The following KAZN variants were observed in gnomAD, a reference collection of about 807,000 sequenced individuals.
KAZN encodes kazrin, periplakin interacting protein, also known as kazrin.
In KAZN, 40 loss-of-function variants were observed where a neutral mutation model predicts 87.4. The observed-to-expected ratio is 0.46, with a 90% CI of 0.36 to 0.60. The LOEUF (loss-of-function observed/expected upper bound fraction) is 0.60, where lower values mean the gene tolerates loss of function less well. Among genes scored for constraint, KAZN ranks in the 20% least tolerant of loss-of-function variants. The pLI, the probability that KAZN is intolerant of heterozygous loss-of-function variation, is 0.00. For missense variants in KAZN, 898 were observed against 1,073.9 expected, an observed-to-expected ratio of 0.84 and a Z score of 2.29; for synonymous variants, 466 against 458.3, an observed-to-expected ratio of 1.02 and a Z score of -0.22.
chr1:14,829,129 A>G (rs1646983318), intron 1 of KAZN, among the ~76,000 whole-genome samples: 1 of 152,126 alleles, frequency 6.6e-6, no homozygotes. Context: ...AGGAAAGGAG[A>G]GCCTGGAAAT....
At chr1:14,581,211 A>G (rs1675525571) in intron 2 of KAZN, among the ~76,000 whole-genome samples, 1 of 152,126 alleles carries the variant, frequency 6.6e-6, no homozygotes, top group South Asian at 2.1e-4. Context: ...CAAAATCAGC[A>G]TACACTCTAT....
intron 1 of KAZN, among the ~76,000 whole-genome samples, chr1:14,069,375 G>A (rs553266337): frequency 4.4e-4 from 67 of 152,186 alleles, no homozygotes; most frequent in Non-Finnish European, 8.7e-4. Context: ...TTATCAAGTC[G>A]GGGAGGAGAG....
chr1:15,067,912 G>A, intron 8 of KAZN: 1 of 892,764 alleles, frequency 1.1e-6, no homozygotes, highest in Non-Finnish European at 1.3e-6. Context: ...AAGAAAATAA[G>A]ATTGCAACCA....
At chr1:14,195,246 A>G (rs909284011) in intron 2 of KAZN, among the ~76,000 whole-genome samples, 3 of 152,052 alleles carry the variant, frequency 2.0e-5, no homozygotes, top group African/African-American at 7.2e-5. Context: ...AGCAATATGG[A>G]CAGGTTTACT....
intron 2 of KAZN, among the ~76,000 whole-genome samples, chr1:14,509,512 C>A (rs531550217): frequency 6.6e-6 from 1 of 152,326 alleles, no homozygotes; most frequent in African/African-American, 2.4e-5. Context: ...AATGTTCTAT[C>A]TGAAATGACA....
chr1:15,067,442 G>A (rs1639295564), intron 8 of KAZN: 7 of 985,474 alleles, frequency 7.1e-6, no homozygotes, highest in Non-Finnish European at 8.4e-6. Context: ...GACGGAGGAT[G>A]TGTGAGCTGT....
intron 1 of KAZN, among the ~76,000 whole-genome samples, chr1:14,857,060 T>C (rs567114179): frequency 2.8e-4 from 43 of 152,204 alleles, no homozygotes; most frequent in African/African-American, 1.0e-3. Context: ...CAACCACGCG[T>C]GAAGGTGGAG....
At chr1:14,459,886 AT>A (rs757025620) in intron 2 of KAZN, among the ~76,000 whole-genome samples, 1 of 152,034 alleles carries the variant, frequency 6.6e-6, no homozygotes, top group Non-Finnish European at 1.5e-5. Flanking sequence ...TTTCTGTGGG[AT>A]TTTTTTTCTC....
intron 4 of KAZN, among the ~76,000 whole-genome samples, chr1:15,055,776 A>G (rs1674885666): frequency 6.6e-6 from 1 of 152,202 alleles, no homozygotes; most frequent in South Asian, 2.1e-4. Flanking sequence ...AGGCCCTGGC[A>G]CAGTTCTTTG....
intron 1 of KAZN, among the ~76,000 whole-genome samples, chr1:14,102,396 C>T (rs1276440433): frequency 6.6e-6 from 1 of 152,202 alleles, no homozygotes; most frequent in Non-Finnish European, 1.5e-5. Context: ...TGGCTTCCTC[C>T]ATCCAATGGC....
At chr1:14,531,030 A>G (rs1571874405) in intron 2 of KAZN, among the ~76,000 whole-genome samples, 1 of 152,190 alleles carries the variant, frequency 6.6e-6, no homozygotes, top group East Asian at 1.9e-4. Flanking sequence ...CTGTGATCGC[A>G]CCACTGCACT....
intron 2 of KAZN, among the ~76,000 whole-genome samples, chr1:14,315,974 A>G (rs1030618619): frequency 2.6e-4 from 39 of 152,116 alleles, no homozygotes; most frequent in African/African-American, 9.1e-4. Context: ...CAAGCTGCCC[A>G]ACTTCTGCCC....
intron 1 of KAZN, among the ~76,000 whole-genome samples, chr1:14,675,466 A>C (rs1640164321): frequency 6.6e-6 from 1 of 152,114 alleles, no homozygotes; most frequent in South Asian, 2.1e-4. Context: ...TCTACTTGGA[A>C]GATTCTCCTG....
intron 1 of KAZN, among the ~76,000 whole-genome samples, chr1:14,148,338 G>T (rs1435165190): frequency 6.6e-6 from 1 of 152,004 alleles, no homozygotes; most frequent in African/African-American, 2.4e-5. Context: ...TATTTTCTCT[G>T]TTGCTTGTTT....
chr1:14,321,876 A>G (rs1363067209), intron 2 of KAZN, among the ~76,000 whole-genome samples: 1 of 152,202 alleles, frequency 6.6e-6, no homozygotes, highest in Non-Finnish European at 1.5e-5. Flanking sequence ...TGGATACCAA[A>G]TTGCAAAAGA....
intron 2 of KAZN, among the ~76,000 whole-genome samples, chr1:14,330,890 C>T (rs1245472539): frequency 6.6e-6 from 1 of 152,112 alleles, no homozygotes; most frequent in Non-Finnish European, 1.5e-5. Context: ...ACAAGTTCAA[C>T]CTATGGAAGA....
intron 2 of KAZN, among the ~76,000 whole-genome samples, chr1:14,265,486 A>G (rs536326959): frequency 3.3e-5 from 5 of 152,340 alleles, no homozygotes; most frequent in Admixed American, 6.5e-5. Context: ...TAAAAATGGG[A>G]AAAGCACTAG....
intron 1 of KAZN, among the ~76,000 whole-genome samples, chr1:14,896,107 T>G (rs968626077): frequency 6.1e-5 from 9 of 147,348 alleles, no homozygotes; most frequent in Non-Finnish European, 1.2e-4. Flanking sequence ...TAGGCTGGAG[T>G]GGAATGGTGC....
intron 8 of KAZN, among the ~76,000 whole-genome samples, chr1:15,091,455 C>G (rs1034082787): frequency 1.3e-5 from 2 of 152,202 alleles, no homozygotes; most frequent in Non-Finnish European, 2.9e-5. Context: ...AGTGATTCTC[C>G]TGCCTCAGCC....
Sources: gnomAD v4.1 joint callset for allele counts (sites outside exome capture counted in the v4.1 genomes callset) on GRCh38, gnomAD v4.1.1 for gene constraint, MANE v1.5 for transcripts, NCBI Gene and HGNC (gene_info 2026-07-23, HGNC 2026-07-21) for gene names.